The following SNX27 variants were observed in gnomAD, a reference collection of about 807,000 sequenced individuals.
SNX27 encodes the protein sorting nexin-27.
Under a neutral mutation model 71.6 loss-of-function variants are expected in SNX27, and 22 were observed. That is an observed-to-expected ratio of 0.31 (90% CI 0.22 to 0.44). The LOEUF (loss-of-function observed/expected upper bound fraction) is 0.44. SNX27 is among the 20% of genes least tolerant of loss of function. The pLI, the probability that SNX27 is intolerant of heterozygous loss-of-function variation, is 1.00. For synonymous variants in SNX27, 269 were observed against 277.2 expected (o/e 0.97, Z 0.29); for missense variants, 531 against 698.6 (o/e 0.76, Z 2.70).
intron 6 of SNX27, 99 bp from the exon 7 acceptor site, chr1:151,668,373 A>C (rs750763898): frequency 9.0e-7 from 1 of 1,112,872 alleles, no homozygotes; most frequent in African/African-American, 1.6e-5. Flanking sequence ...GTTCTGGTTA[A>C]TGATAACATA....
At chr1:151,652,050 G>A (rs1669417080) in intron 2 of SNX27, among the ~76,000 whole-genome samples, 1 of 152,190 alleles carries the variant, frequency 6.6e-6, no homozygotes, top group South Asian at 2.1e-4. Flanking sequence ...AACCAGTCAG[G>A]TGTGGCGGCG....
intron 1 of SNX27, among the ~76,000 whole-genome samples, chr1:151,618,653 T>C (rs1667537971): frequency 6.6e-6 from 1 of 152,232 alleles, no homozygotes; most frequent in Admixed American, 6.5e-5. Flanking sequence ...ATAATTCTTA[T>C]GACCTTGTAG....
chr1:151,662,997 C>T (rs1273875772), intron 5 of SNX27, among the ~76,000 whole-genome samples: 2 of 151,998 alleles, frequency 1.3e-5, no homozygotes, highest in Admixed American at 1.3e-4. Flanking sequence ...CTTACAAAAC[C>T]ACAGTGCCAT....
At chr1:151,657,888 C>G (rs1407869661) in intron 2 of SNX27, among the ~76,000 whole-genome samples, 4 of 152,036 alleles carry the variant, frequency 2.6e-5, no homozygotes, top group African/African-American at 9.7e-5. Context: ...GTAATCCCAG[C>G]TATTCAGGAG....
intron 5 of SNX27, chr1:151,662,838 A>C (rs962776339): frequency 3.3e-5 from 5 of 152,166 alleles, no homozygotes; most frequent in African/African-American, 4.8e-5. Flanking sequence ...ACAGAATAGT[A>C]TAATGAATCT....
At chr1:151,660,963 C>A in intron 4 of SNX27, 101 bp downstream of exon 4, 1 of 850,046 alleles carries the variant, frequency 1.2e-6, no homozygotes, top group Non-Finnish European at 2.0e-6. Context: ...ATAAGCTCTC[C>A]AAAGGACTCC....
intron 1 of SNX27, among the ~76,000 whole-genome samples, chr1:151,623,341 C>T (rs1239883722): frequency 6.6e-6 from 1 of 152,168 alleles, no homozygotes; most frequent in Non-Finnish European, 1.5e-5. Flanking sequence ...GGGGTTTCAC[C>T]TTGTTAGCCA....
At chr1:151,621,535 A>C (rs933693406) in intron 1 of SNX27, among the ~76,000 whole-genome samples, 3 of 152,236 alleles carry the variant, frequency 2.0e-5, no homozygotes, top group African/African-American at 7.2e-5. Flanking sequence ...GGCCTGATAC[A>C]CAAGGAATTA....
chr1:151,645,343 A>G (rs894647090), intron 2 of SNX27, among the ~76,000 whole-genome samples: 2 of 152,082 alleles, frequency 1.3e-5, no homozygotes, highest in Non-Finnish European at 2.9e-5. Flanking sequence ...AGAATGGGTC[A>G]TATTCTTCTG....
chr1:151,653,550 C>T (rs923275115), intron 2 of SNX27, among the ~76,000 whole-genome samples: 2 of 152,090 alleles, frequency 1.3e-5, no homozygotes, highest in African/African-American at 4.8e-5. Context: ...ACAAGCTCTC[C>T]TTCTATCACT....
At chr1:151,620,438 A>G (rs1667618520) in intron 1 of SNX27, among the ~76,000 whole-genome samples, 1 of 152,222 alleles carries the variant, frequency 6.6e-6, no homozygotes, top group African/African-American at 2.4e-5. Context: ...TATATAAAGA[A>G]GGGAACTAAG....
intron 2 of SNX27, among the ~76,000 whole-genome samples, chr1:151,645,179 C>T (rs1041405560): frequency 1.3e-5 from 2 of 152,170 alleles, no homozygotes; most frequent in Non-Finnish European, 2.9e-5. Context: ...AAGTTCTTTC[C>T]TCATTGAAAT....
At chr1:151,631,580 G>A (rs1245977149) in intron 1 of SNX27, among the ~76,000 whole-genome samples, 1 of 152,138 alleles carries the variant, frequency 6.6e-6, no homozygotes, top group East Asian at 1.9e-4. Flanking sequence ...TATGTTTGAT[G>A]TACTTCAGTG....
chr1:151,665,871 T>G, intron 5 of SNX27, 62 bp from the exon 6 acceptor site: 1 of 1,413,692 alleles, frequency 7.1e-7, no homozygotes, highest in East Asian at 2.3e-5. Flanking sequence ...ATACACCTGC[T>G]TTTTCCTACA....
At position 151,612,122 on chromosome 1, in the gene SNX27, C is replaced by A. The variant is rs1453282969; in HGVS notation, c.-80C>A. 7.1e-6 allele frequency: 9 copies of A among 1,266,652 alleles called. No homozygotes were observed. The African/African-American group carries it at 1.2e-4, about 18-fold the overall frequency. 78.5% of individuals were successfully genotyped at this position (1,266,652 alleles called of 1,614,324 possible). ...ATCGGGCGCGCGCGTCGGGGGTCGT[C>A]CGGCTGCCAGGCAGGGCGAGCACGC... On this transcript the variant is annotated 5_prime_UTR_variant, in exon 1 of 12. Transcript: ENST00000458013. The surrounding 1 kb of genome is among the most constrained non-coding windows in gnomAD (Gnocchi z 5.2).
chr1:151,648,880 C>T (rs1317682176), intron 2 of SNX27, among the ~76,000 whole-genome samples: 2 of 151,930 alleles, frequency 1.3e-5, no homozygotes, highest in Non-Finnish European at 2.9e-5. Context: ...GTGAAAAAGT[C>T]TTCATTTCAC....
chr1:151,692,210 C>A (rs1671482503), intron 8 of SNX27, among the ~76,000 whole-genome samples: 2 of 151,940 alleles, frequency 1.3e-5, no homozygotes, highest in South Asian at 4.2e-4. Flanking sequence ...AGTGACAGAG[C>A]AAGACCTGGT....
In SNX27 at chr1:151,642,009, G is replaced by C. The variant is rs1440248020; in HGVS notation, c.543+2890G>C. ...AGATATATATGAGATATATATATCAGATATAGATATATATGAGATATATAT... is the reference window on the plus strand; with the variant it reads ...AGATATATATGAGATATATATATCACATATAGATATATATGAGATATATAT... On this transcript the variant is annotated intron_variant, in intron 2 of 11. Transcript: ENST00000458013. 1.4e-5 allele frequency among the ~76,000 whole-genome samples: 2 copies of C among 142,908 alleles called. 1 individual carries two copies. The highest frequency in any genetic ancestry group is 5.2e-5 in the African/African-American group (2 of 38,826). 93.8% of individuals were successfully genotyped at this position (142,908 alleles called of 152,430 possible).
At chr1:151,668,402 A>C in intron 6 of SNX27, 70 bp from the exon 7 acceptor site, 1 of 1,409,052 alleles carries the variant, frequency 7.1e-7, no homozygotes. Context: ...GATCTGCCTT[A>C]CATAGTTTAT....
Sources: gnomAD v4.1 joint callset for allele counts (sites outside exome capture counted in the v4.1 genomes callset) on GRCh38, gnomAD v4.1.1 for gene constraint, Gnocchi (gnomAD v3.1) non-coding constraint, MANE v1.5 for transcripts, NCBI Gene and HGNC (gene_info 2026-07-23, HGNC 2026-07-21) for gene names.